The following PDXDC1 variants were observed in gnomAD, a reference collection of about 807,000 sequenced individuals.
PDXDC1 encodes the protein pyridoxal-dependent decarboxylase domain-containing protein 1.
In PDXDC1, 42 loss-of-function variants were observed where a neutral mutation model predicts 100.1. That is an observed-to-expected ratio of 0.42 (90% CI 0.33 to 0.54). PDXDC1 has a LOEUF of 0.54. PDXDC1 is among the 20% of genes least tolerant of loss of function. PDXDC1 has a pLI of 0.10. For synonymous variants in PDXDC1, 260 were observed against 371.7 expected (o/e 0.70, Z 3.46); for missense variants, 636 against 979.2 (o/e 0.65, Z 4.68).
At chr16:15,017,859 A>C (rs2041910463) in intron 11 of PDXDC1, among the ~76,000 whole-genome samples, 1 of 151,304 alleles carries the variant, frequency 6.6e-6, no homozygotes, top group Non-Finnish European at 1.5e-5. Context: ...TGGTGAGATG[A>C]TCTTGGCTCA....
chr16:15,065,677 T>C (rs2044939696), intron 16 of PDXDC1, among the ~76,000 whole-genome samples: 1 of 152,218 alleles, frequency 6.6e-6, no homozygotes, highest in Non-Finnish European at 1.5e-5. Context: ...ATACTATTCA[T>C]TAAAAATAAA....
At chr16:15,024,743 C>G (rs1668644157) in intron 13 of PDXDC1, among the ~76,000 whole-genome samples, 1 of 152,294 alleles carries the variant, frequency 6.6e-6, no homozygotes, top group Non-Finnish European at 1.5e-5. Context: ...TGACTGGTTT[C>G]TTATCTTTCA....
intron 16 of PDXDC1, chr16:15,068,415 C>A: frequency 8.9e-7 from 1 of 1,125,914 alleles, no homozygotes; most frequent in African/African-American, 1.6e-5. Context: ...AAATAAAGGT[C>A]CATGCAGATA....
chr16:14,990,220 CCGGCCCGGCCGCCCGTGCCTCA>C, intron 1 of PDXDC1: 1 of 961,306 alleles, frequency 1.0e-6, no homozygotes, highest in Non-Finnish European at 1.3e-6. Flanking sequence ...GCCCAGCCCA[CCGGCCCGGCCGCCCGTGCCTCA>C]CTGCCCGGCC....
chr16:15,000,842 T>C (rs1264697194), intron 3 of PDXDC1, among the ~76,000 whole-genome samples: 2 of 150,764 alleles, frequency 1.3e-5, no homozygotes, highest in East Asian at 3.9e-4. Context: ...CCAGTGGCAT[T>C]GGAGTGTTCT....
intron 1 of PDXDC1, among the ~76,000 whole-genome samples, chr16:14,986,108 A>G (rs547106356): frequency 6.6e-6 from 1 of 152,402 alleles, no homozygotes; most frequent in East Asian, 1.9e-4. Flanking sequence ...CAAAAAAAAA[A>G]AAAGTTTGTA....
At chr16:15,143,731 C>G (rs563358488), downstream of PDXDC1, among the ~76,000 whole-genome samples, 3 of 152,336 alleles carry the variant, frequency 2.0e-5, no homozygotes, top group South Asian at 2.1e-4. Context: ...GGGCAGCTCC[C>G]GGGGCCCTCC....
chr16:15,094,382 G>C, intron 16 of PDXDC1: 1 of 704,526 alleles, frequency 1.4e-6, no homozygotes, highest in Non-Finnish European at 2.4e-6. Flanking sequence ...CGGCGGGCTA[G>C]AGCGCCGCTG....
intron 16 of PDXDC1, among the ~76,000 whole-genome samples, chr16:15,100,449 A>G (rs2046501038): frequency 1.3e-5 from 2 of 152,188 alleles, no homozygotes; most frequent in Admixed American, 1.3e-4. Context: ...ATCTCAGAGA[A>G]ATACAAAGCA....
chr16:15,147,640 C>T, the PDXDC1 span, among the ~76,000 whole-genome samples: 8 of 152,204 alleles, frequency 5.3e-5, no homozygotes, highest in Admixed American at 2.0e-4. Context: ...GATTCTCCTG[C>T]CTCAGCCCCC....
intron 2 of PDXDC1, among the ~76,000 whole-genome samples, chr16:14,998,090 T>A (rs1972388641): frequency 6.6e-6 from 1 of 152,250 alleles, no homozygotes; most frequent in South Asian, 2.1e-4. Context: ...TAAATACTTA[T>A]TATATATTCA....
intron 16 of PDXDC1, among the ~76,000 whole-genome samples, chr16:15,059,292 A>C (rs2151748312): frequency 6.6e-6 from 1 of 152,274 alleles, no homozygotes; most frequent in African/African-American, 2.4e-5. Flanking sequence ...CGGCAAGGGA[A>C]ACACGCTGGT....
chr16:15,040,118 G>T, downstream of PDXDC1: 1 of 966,568 alleles, frequency 1.0e-6, no homozygotes, highest in Middle Eastern at 2.1e-4. Flanking sequence ...AAAGCGGAAA[G>T]TCTGCACAGT....
At chr16:15,128,698 A>G (rs2047893140) in intron 16 of PDXDC1, among the ~76,000 whole-genome samples, 1 of 152,012 alleles carries the variant, frequency 6.6e-6, no homozygotes, top group Non-Finnish European at 1.5e-5. Context: ...CGCCTCAGTC[A>G]CGCCACAACC....
chr16:15,073,933 G>GT (rs2151784203), intron 16 of PDXDC1, among the ~76,000 whole-genome samples: 1 of 152,150 alleles, frequency 6.6e-6, no homozygotes, highest in Admixed American at 6.5e-5. Flanking sequence ...ATGAGAAAAT[G>GT]TTTATCTTCA....
rs777191123 is a variant in PDXDC1, at chr16:14,998,301, A to G, written c.96-39A>G. ...ATTCAGGAGTTAGAAATTTGGTATG[A>G]TGAAACAAATGAACAGCTTTTTCTT... On this transcript the variant is annotated intron_variant, in intron 2 of 22. Transcript: ENST00000396410. The G allele has an allele frequency of 2.5e-6, 4 of 1,596,852 alleles. No individual in the cohort carries two copies. In the East Asian group the frequency reaches 9.0e-5, roughly 36 times the overall value.
At chr16:15,003,166 A>T (rs1375783399) in intron 4 of PDXDC1, among the ~76,000 whole-genome samples, 1 of 151,798 alleles carries the variant, frequency 6.6e-6, no homozygotes, top group African/African-American at 2.4e-5. Context: ...AATTTGCTGT[A>T]TTATTGCAAT....
chr16:15,093,811 G>A, intron 16 of PDXDC1: 2 of 392,910 alleles, frequency 5.1e-6, no homozygotes, highest in East Asian at 5.7e-5. Context: ...AACCCACATA[G>A]CCCAGGGAAA....
chr16:15,017,388 C>T lies in PDXDC1; in HGVS notation c.929C>T (p.Ala310Val), dbSNP rs142060473. ...TGGCTGGGTTTGCCAGCTGTTCCTG[C>T]GGTGACACTGTATAAACACGATGAC... Reference protein sequence around the residue: ...GPWLGLPAVPAVTLYKHDDPA... With the variant: ...GPWLGLPAVPVVTLYKHDDPA... The change falls in exon 11 of 23, where the codon GCG becomes GTG. Residue 310 changes from alanine to valine, a missense_variant. Transcript: ENST00000396410. 1.2e-4 allele frequency: 195 copies of T among 1,614,130 alleles called. No individual in the cohort carries two copies. The African/African-American group carries it at 1.6e-3, about 13-fold the overall frequency.
Sources: gnomAD v4.1 joint callset for allele counts (sites outside exome capture counted in the v4.1 genomes callset) on GRCh38, gnomAD v4.1.1 for gene constraint, MANE v1.5 for transcripts, NCBI Gene and HGNC (gene_info 2026-07-23, HGNC 2026-07-21) for gene names.